The following ARHGEF10L variants were observed in gnomAD, a reference collection of about 807,000 sequenced individuals.
ARHGEF10L encodes rho guanine nucleotide exchange factor 10-like protein.
In ARHGEF10L, 69 loss-of-function variants were observed where a neutral mutation model predicts 141.2. The observed-to-expected ratio is 0.49, with a 90% CI of 0.40 to 0.60. ARHGEF10L has a LOEUF of 0.60. Among genes scored for constraint, ARHGEF10L ranks in the 20% least tolerant of loss-of-function variants. ARHGEF10L has a pLI of 0.00. For synonymous variants in ARHGEF10L, 711 were observed against 718.5 expected (o/e 0.99, Z 0.17); for missense variants, 1,482 against 1,734.3 (o/e 0.85, Z 2.58).
intron 6 of ARHGEF10L, among the ~76,000 whole-genome samples, chr1:17,605,697 G>A (rs1323717865): frequency 1.3e-5 from 2 of 152,272 alleles, no homozygotes; most frequent in East Asian, 1.9e-4. Flanking sequence ...GCTGGGAGCC[G>A]TGGCACACCG....
intron 1 of ARHGEF10L, among the ~76,000 whole-genome samples, chr1:17,577,842 TG>T (rs1196183153): frequency 2.0e-5 from 3 of 152,222 alleles, no homozygotes; most frequent in Non-Finnish European, 4.4e-5. Flanking sequence ...ATCCGTAAGC[TG>T]GGGTGTTACG....
chr1:17,633,790 T>C (rs892051669), intron 16 of ARHGEF10L, among the ~76,000 whole-genome samples: 1 of 152,222 alleles, frequency 6.6e-6, no homozygotes, highest in African/African-American at 2.4e-5. Context: ...TTCTAGGCCC[T>C]GTACCGAGTC....
chr1:17,670,750 G>C (rs1298590476), intron 26 of ARHGEF10L, among the ~76,000 whole-genome samples: 3 of 152,238 alleles, frequency 2.0e-5, no homozygotes, highest in Admixed American at 6.5e-5. Context: ...GCTGAGGAGT[G>C]ACCCGCTGGG....
intron 15 of ARHGEF10L, among the ~76,000 whole-genome samples, chr1:17,629,536 C>G (rs1199480646): frequency 6.6e-6 from 1 of 152,164 alleles, no homozygotes; most frequent in Non-Finnish European, 1.5e-5. Context: ...CTGCAAGCCC[C>G]TAAGGCATCT....
chr1:17,694,773 T>G, intron 27 of ARHGEF10L: 1 of 378,048 alleles, frequency 2.6e-6, no homozygotes, highest in South Asian at 2.0e-5. Flanking sequence ...TCTTCCCTGG[T>G]TTTGCTCGTA....
At chr1:17,610,722 G>A (rs2059505348) in intron 7 of ARHGEF10L, among the ~76,000 whole-genome samples, 1 of 152,184 alleles carries the variant, frequency 6.6e-6, no homozygotes, top group Non-Finnish European at 1.5e-5. Flanking sequence ...CTGGGGATGT[G>A]TTTTGTCCTG....
chr1:17,525,743 C>T, the ARHGEF10L span, among the ~76,000 whole-genome samples: 1 of 151,892 alleles, frequency 6.6e-6, no homozygotes, highest in Non-Finnish European at 1.5e-5. Context: ...TGGCTCATGA[C>T]TGTAATCCCA....
chr1:17,631,673 C>A (rs116175309), intron 15 of ARHGEF10L, among the ~76,000 whole-genome samples: 2 of 152,310 alleles, frequency 1.3e-5, no homozygotes, highest in East Asian at 3.9e-4. Context: ...TGTGCCATCA[C>A]ACATGACCTG....
At chr1:17,599,682 C>A (rs1017148373) in intron 4 of ARHGEF10L, among the ~76,000 whole-genome samples, 1 of 152,152 alleles carries the variant, frequency 6.6e-6, no homozygotes, top group African/African-American at 2.4e-5. Context: ...CCTCTCTTGG[C>A]CTTTACTTCC....
rs776493029 is a variant in ARHGEF10L, at chr1:17,687,638, C to T, written c.3075C>T (p.Gly1025=). 16 of 1,612,786 alleles carry T rather than the reference C, an allele frequency of 9.9e-6. No individual in the cohort carries two copies. Among genetic ancestry groups the T allele is most frequent in the Admixed American group, 6.7e-5 (4 of 60,006 alleles). ...SVTHMVKAGS[G]VWMAFSSGTS... ...CACACATGGTGAAGGCGGGCAGCGG[C>T]GTCTGGATGGCCTTCTCCTCCGGCA... Residue 1025 remains glycine (G), a synonymous_variant, in exon 27 of 29, where the codon GGC becomes GGT. Transcript: ENST00000361221.
intron 26 of ARHGEF10L, among the ~76,000 whole-genome samples, chr1:17,679,608 G>A (rs1030607879): frequency 1.6e-4 from 25 of 152,182 alleles, no homozygotes; most frequent in African/African-American, 4.8e-4. Context: ...TTTCCTCAGC[G>A]GTAAAGTGTT....
rs374844353 is a variant in ARHGEF10L, at chr1:17,656,707, C to T, written c.2859C>T (p.Ser953=). The T allele has an allele frequency of 5.3e-5, 86 of 1,611,140 alleles. No homozygotes were observed. Among genetic ancestry groups the T allele is most frequent in the Non-Finnish European group, 6.4e-5 (76 of 1,179,068 alleles). The change falls in exon 25 of 29, where the codon AGC becomes AGT. Residue 953 remains serine, a splice_region_variant and synonymous_variant. Transcript: ENST00000361221. This position sits in a 1 kb window ranked among gnomAD's most constrained non-coding sequence, Gnocchi z 4.9. Reference sequence around the variant, plus strand: ...CCCTTGCTGCTTACCCTCGGACCAGCGGTGAGGACTGGGGGGAATGGGGGA... The same window carrying T: ...CCCTTGCTGCTTACCCTCGGACCAGTGGTGAGGACTGGGGGGAATGGGGGA... ...DGTLAAYPRT[S]GGVLWDLESP...
chr1:17,574,215 C>A (rs2078129079), intron 1 of ARHGEF10L, among the ~76,000 whole-genome samples: 1 of 152,190 alleles, frequency 6.6e-6, no homozygotes, highest in East Asian at 1.9e-4. Flanking sequence ...AGCTGTGTGG[C>A]CTTGGGGATG....
At chr1:17,664,361 G>C (rs1571367275) in intron 25 of ARHGEF10L, 86 bp from the exon 26 acceptor site, 4 of 1,462,824 alleles carry the variant, frequency 2.7e-6, no homozygotes, top group Non-Finnish European at 3.7e-6. Context: ...GGGGGGCCCT[G>C]CTGAGCCCCC....
In ARHGEF10L at chr1:17,690,011, G is replaced by A. The variant is rs1041454160; in HGVS notation, c.3184+2264G>A. On this transcript the variant is annotated intron_variant, in intron 27 of 28. Coordinates refer to ENST00000361221, the MANE Select transcript of ARHGEF10L (RefSeq NM_018125.4). ...ACCCTTTAAGGAAGGAAGGGCATTC[G>A]TTGTTATGATGATGATTTGAGGGCC... The A allele has an allele frequency of 2.0e-5, 7 of 358,830 alleles. No individual in the cohort carries two copies. The East Asian group carries it at 3.8e-4, about 19-fold the overall frequency. The allele number at this position is 358,830 out of a possible 1,614,324, so 22.2% of individuals were successfully genotyped here.
chr1:17,616,429 C>T (rs1443812766), intron 9 of ARHGEF10L, among the ~76,000 whole-genome samples: 5 of 152,204 alleles, frequency 3.3e-5, no homozygotes, highest in South Asian at 2.1e-4. Context: ...AGAGCTGGGC[C>T]TCTTCTTTCA....
At chr1:17,658,148 G>A (rs2062393493) in intron 25 of ARHGEF10L, among the ~76,000 whole-genome samples, 1 of 152,198 alleles carries the variant, frequency 6.6e-6, no homozygotes, top group African/African-American at 2.4e-5. Flanking sequence ...GTGTCTGTGT[G>A]CAAATTTCAC....
chr1:17,578,285 T>C (rs1472936860), intron 1 of ARHGEF10L, among the ~76,000 whole-genome samples: 1 of 152,180 alleles, frequency 6.6e-6, no homozygotes, highest in Non-Finnish European at 1.5e-5. Flanking sequence ...AGGTTTGTTT[T>C]CCAAAATCCT....
At chr1:17,537,757 C>T (rs2076596271), upstream of ARHGEF10L, among the ~76,000 whole-genome samples, 1 of 150,568 alleles carries the variant, frequency 6.6e-6, no homozygotes, top group African/African-American at 2.4e-5. Context: ...TGATTCACAC[C>T]TGTAATCCCA....
Sources: allele counts gnomAD v4.1 joint callset (sites outside exome capture counted in the v4.1 genomes callset), GRCh38; gene constraint gnomAD v4.1.1; non-coding constraint Gnocchi (gnomAD v3.1); transcripts MANE v1.5; gene names NCBI Gene and HGNC (gene_info 2026-07-23, HGNC 2026-07-21).